The following COL4A5 variants were observed in gnomAD, a reference collection of about 807,000 sequenced individuals.
The protein encoded by COL4A5 is collagen alpha-5(IV) chain.
Under a neutral mutation model 130.2 loss-of-function variants are expected in COL4A5, and 26 were observed. The observed-to-expected ratio is 0.20, with a 90% CI of 0.15 to 0.28. COL4A5 has a LOEUF of 0.28. COL4A5 is among the 10% of genes least tolerant of loss of function. The pLI, the probability that COL4A5 is intolerant of heterozygous loss-of-function variation, is 1.00. For missense variants in COL4A5, 1,131 were observed against 1,344.3 expected (o/e 0.84, Z 2.48); for synonymous variants, 496 against 439.6 (o/e 1.13, Z -1.60).
At chrX:108,577,044 C>T (rs997089694) in intron 10 of COL4A5, among the ~76,000 whole-genome samples, 6 of 110,865 alleles carry the variant, frequency 5.4e-5, no homozygotes, top group Admixed American at 9.6e-5. Flanking sequence ...CTTGAATTAA[C>T]GCTAATTCAA....
At chrX:108,451,554 G>T (rs1306696683) in intron 1 of COL4A5, among the ~76,000 whole-genome samples, 1 of 110,773 alleles carries the variant, frequency 9.0e-6, no homozygotes, top group Admixed American at 9.6e-5. Flanking sequence ...GTGTGAGATG[G>T]TATCTCATTG....
chrX:108,651,411 T>C (rs55890201), intron 36 of COL4A5, among the ~76,000 whole-genome samples: 5 of 111,955 alleles, frequency 4.5e-5, no homozygotes, highest in Non-Finnish European at 9.4e-5. Flanking sequence ...TAACATGTAA[T>C]GTTTTTAGTT....
intron 29 of COL4A5, among the ~76,000 whole-genome samples, chrX:108,613,551 T>G (rs945159234): frequency 8.9e-6 from 1 of 112,260 alleles, no homozygotes; most frequent in African/African-American, 3.2e-5. Context: ...GCAGAATATA[T>G]AATGAACTCT....
intron 32 of COL4A5, 38 bp downstream of exon 32, chrX:108,621,930 G>A (rs1312576227): frequency 6.1e-6 from 6 of 988,327 alleles, no homozygotes; most frequent in Non-Finnish European, 7.2e-6. Flanking sequence ...TATGTGAGAG[G>A]GAAAATTAAA....
At chrX:108,495,142 A>C (rs1363264119) in intron 1 of COL4A5, among the ~76,000 whole-genome samples, 1 of 111,446 alleles carries the variant, frequency 9.0e-6, no homozygotes, top group African/African-American at 3.3e-5. Flanking sequence ...TCAACAAATG[A>C]TTCTGGAACA....
chrX:108,596,472 A>C (rs953084059), intron 22 of COL4A5, among the ~76,000 whole-genome samples: 5 of 111,750 alleles, frequency 4.5e-5, no homozygotes, highest in Admixed American at 1.9e-4. Flanking sequence ...TGATGATGCC[A>C]CTCATCCAGG....
At chrX:108,626,430 A>G in intron 36 of COL4A5, 81 bp downstream of exon 36, 1 of 1,183,773 alleles carries the variant, frequency 8.4e-7, no homozygotes, top group Non-Finnish European at 1.1e-6. Flanking sequence ...CTAAGTTTTC[A>G]TTAAACAAAC....
At chrX:108,446,747 G>A (rs1217339149) in intron 1 of COL4A5, among the ~76,000 whole-genome samples, 1 of 111,373 alleles carries the variant, frequency 9.0e-6, no homozygotes, top group Non-Finnish European at 1.9e-5. Context: ...TTTCATACAT[G>A]GTAGATAATA....
chrX:108,472,114 T>G (rs1369630614), intron 1 of COL4A5, among the ~76,000 whole-genome samples: 1 of 112,009 alleles, frequency 8.9e-6, no homozygotes, highest in Non-Finnish European at 1.9e-5. Flanking sequence ...GTTTAAGGGC[T>G]ACATTATTTA....
chrX:108,683,058 A>G (rs2068468739), intron 47 of COL4A5, among the ~76,000 whole-genome samples: 1 of 111,581 alleles, frequency 9.0e-6, no homozygotes. Context: ...ACTTATCTTG[A>G]GTTAATTTTT....
At chrX:108,563,212 T>A (rs1006651811) in intron 3 of COL4A5, among the ~76,000 whole-genome samples, 3 of 111,644 alleles carry the variant, frequency 2.7e-5, no homozygotes, top group Non-Finnish European at 3.8e-5. Context: ...TTAGGTTTTT[T>A]AATTCTATTT....
At position 108,669,895 on chromosome X, in the gene COL4A5, A is replaced by G. The variant is rs191517623; in HGVS notation, c.3791-333A>G. 2.8e-3 allele frequency: 513 copies of G among 185,151 alleles called. 4 individuals are homozygous for G. Among genetic ancestry groups the G allele is most frequent in the African/African-American group, 0.013 (445 of 33,458 alleles). The allele number at this position is 185,151 out of a possible 1,213,427, so 15.3% of individuals were successfully genotyped here. ...TCTCAAATTATTTCATAAACTATAA[A>G]TTAAAACTGAGTTGTAAACCCCATT... On this transcript the variant is annotated intron_variant, in intron 41 of 52. Coordinates refer to ENST00000328300, the MANE Select transcript of COL4A5 (RefSeq NM_033380.3).
intron 41 of COL4A5, among the ~76,000 whole-genome samples, chrX:108,669,386 C>A (rs781157351): frequency 4.5e-5 from 5 of 112,129 alleles, no homozygotes; most frequent in Admixed American, 9.4e-5. Flanking sequence ...ATTTATATTA[C>A]AGTAAAATCT....
intron 6 of COL4A5, among the ~76,000 whole-genome samples, chrX:108,569,389 C>A (rs1380701878): frequency 9.0e-6 from 1 of 111,510 alleles, no homozygotes; most frequent in East Asian, 2.8e-4. Context: ...TTAGATATAG[C>A]AAACATTTTT....
intron 1 of COL4A5, among the ~76,000 whole-genome samples, chrX:108,510,070 C>G (rs1051534105): frequency 6.2e-5 from 7 of 112,049 alleles, no homozygotes; most frequent in Admixed American, 3.8e-4. Flanking sequence ...ATACCAAATG[C>G]TGCATGTTCT....
chrX:108,559,961 C>T (rs1042452711), intron 3 of COL4A5, among the ~76,000 whole-genome samples: 2 of 110,891 alleles, frequency 1.8e-5, no homozygotes, highest in Non-Finnish European at 3.8e-5. Context: ...TGGTTGGACC[C>T]GAACAGTCAT....
intron 1 of COL4A5, among the ~76,000 whole-genome samples, chrX:108,510,915 T>G (rs1262391613): frequency 4.5e-5 from 5 of 111,872 alleles, no homozygotes; most frequent in Non-Finnish European, 9.4e-5. Context: ...AAACATATTA[T>G]GTGTAGTGAT....
intron 1 of COL4A5, among the ~76,000 whole-genome samples, chrX:108,458,849 G>A (rs1191466197): frequency 9.0e-6 from 1 of 110,947 alleles, no homozygotes; most frequent in African/African-American, 3.3e-5. Context: ...GCGTGGTGGC[G>A]GGCGCCTGTA....
At chrX:108,515,216 ACTTTTTC>A (rs2065210351) in intron 1 of COL4A5, among the ~76,000 whole-genome samples, 2 of 111,859 alleles carry the variant, frequency 1.8e-5, no homozygotes, top group East Asian at 2.8e-4. Context: ...AGAAACTATG[ACTTTTTC>A]CTAACTTAGG....
Sources: allele counts gnomAD v4.1 joint callset (sites outside exome capture counted in the v4.1 genomes callset), GRCh38; gene constraint gnomAD v4.1.1; transcripts MANE v1.5; gene names NCBI Gene and HGNC (gene_info 2026-07-23, HGNC 2026-07-21).